The following CHMP2B variants were observed in gnomAD, a reference collection of about 807,000 sequenced individuals.
CHMP2B encodes the protein charged multivesicular body protein 2B.
A neutral mutation model predicts 29.8 loss-of-function variants in CHMP2B; 22 were observed. The observed-to-expected ratio is 0.74, with a 90% CI of 0.53 to 1.05. CHMP2B has a LOEUF of 1.05. Ranked by LOEUF, CHMP2B falls within the 50% of genes least tolerant of loss-of-function variation. The pLI, the probability that CHMP2B is intolerant of heterozygous loss-of-function variation, is 0.00. For synonymous variants in CHMP2B, 78 were observed against 75.8 expected (o/e 1.03, Z -0.15); for missense variants, 261 against 252.2 (o/e 1.03, Z -0.24).
intron 1 of CHMP2B, among the ~76,000 whole-genome samples, chr3:87,231,382 T>A (rs958045867): frequency 2.6e-5 from 4 of 152,142 alleles, no homozygotes; most frequent in Non-Finnish European, 5.9e-5. Flanking sequence ...CATAGGATCT[T>A]CCTCTCTGTG....
Position 87,237,885 on chromosome 3 carries a change from C to T in CHMP2B, c.35-2814C>T, listed in dbSNP as rs78702576. ...AAGTAGGTGGCAGGAGAGAAAGCCC[C>T]GTCCTTCTTTATCTCTGTTAGAGAT... On this transcript the variant is annotated intron_variant, in intron 1 of 5. Coordinates refer to ENST00000263780, the MANE Select transcript of CHMP2B (RefSeq NM_014043.4). Among the ~76,000 whole-genome samples the T allele has an allele frequency of 2.4e-3, 369 of 152,228 alleles. 1 individual carries two copies. Among genetic ancestry groups the T allele is most frequent in the African/African-American group, 8.7e-3 (360 of 41,536 alleles).
intron 4 of CHMP2B, among the ~76,000 whole-genome samples, chr3:87,251,097 T>G (rs569016598): frequency 1.3e-5 from 2 of 152,090 alleles, no homozygotes; most frequent in African/African-American, 4.8e-5. Context: ...TAACAGCATT[T>G]AATAACATTT....
chr3:87,237,066 G>A (rs1047278350), intron 1 of CHMP2B, among the ~76,000 whole-genome samples: 2 of 152,144 alleles, frequency 1.3e-5, no homozygotes, highest in East Asian at 1.9e-4. Context: ...ACAAAATAGG[G>A]AAGTAAGTCC....
intron 1 of CHMP2B, among the ~76,000 whole-genome samples, chr3:87,236,177 G>A (rs1706004443): frequency 6.6e-6 from 1 of 152,006 alleles, no homozygotes; most frequent in Non-Finnish European, 1.5e-5. Context: ...ACATATGGGG[G>A]TGGAGTTAAA....
intron 3 of CHMP2B, 65 bp from the exon 4 acceptor site, chr3:87,249,810 A>G (rs1239552609): frequency 2.1e-6 from 2 of 961,896 alleles, no homozygotes; most frequent in East Asian, 2.5e-5. Flanking sequence ...TTCCCTTTTG[A>G]CTTATTTCAT....
At chr3:87,242,108 C>G (rs1706127987) in intron 2 of CHMP2B, among the ~76,000 whole-genome samples, 1 of 151,966 alleles carries the variant, frequency 6.6e-6, no homozygotes, top group Non-Finnish European at 1.5e-5. Context: ...GCCAGAGTGT[C>G]TATTCAAATA....
At chr3:87,250,004 T>G in intron 4 of CHMP2B, 27 bp downstream of exon 4, 2 of 1,351,730 alleles carry the variant, frequency 1.5e-6, no homozygotes, top group Non-Finnish European at 2.1e-6. Flanking sequence ...ATAATGAAAT[T>G]TATAGTTTTC....
At position 87,255,492 on chromosome 3, in the gene CHMP2B, T is replaced by C. The variant is rs1210304564; in HGVS notation, c.*1670T>C. ...CAATAAAGATTTATTATTGTTGTTC[T>C]TTTCTTACCTTTTTTGCTCTTTTTG... On this transcript the variant is annotated 3_prime_UTR_variant, in exon 6 of 6. Transcript: ENST00000263780. 4.6e-5 allele frequency: 7 copies of C among 152,478 alleles called. No homozygotes were observed. The Admixed American group carries it at 4.6e-4, about 10-fold the overall frequency. The allele number at this position is 152,478 out of a possible 1,614,324, so 9.4% of individuals were successfully genotyped here.
At chr3:87,228,891 G>A (rs1043898785) in intron 1 of CHMP2B, among the ~76,000 whole-genome samples, 1 of 151,528 alleles carries the variant, frequency 6.6e-6, no homozygotes, top group Non-Finnish European at 1.5e-5. Context: ...TGTTTTAGCT[G>A]CCACTGTTGT....
chr3:87,232,424 T>C (rs1393827434), intron 1 of CHMP2B, among the ~76,000 whole-genome samples: 1 of 152,194 alleles, frequency 6.6e-6, no homozygotes, highest in African/African-American at 2.4e-5. Context: ...CCCAGGATGC[T>C]ATGTGTTCCT....
chr3:87,235,644 T>G (rs140862914), intron 1 of CHMP2B, among the ~76,000 whole-genome samples: 23 of 152,356 alleles, frequency 1.5e-4, no homozygotes, highest in Non-Finnish European at 2.6e-4. Context: ...ATTACATGTT[T>G]TGTTGAATTC....
chr3:87,238,187 A>G (rs1303440529), intron 1 of CHMP2B, among the ~76,000 whole-genome samples: 1 of 152,242 alleles, frequency 6.6e-6, no homozygotes, highest in Non-Finnish European at 1.5e-5. Flanking sequence ...ATCCTAAAAA[A>G]GATAAAGATT....
At position 87,253,759 on chromosome 3, in the gene CHMP2B, T is replaced by A; in HGVS notation, c.579T>A (p.Thr193=). Residue 193 remains threonine, a synonymous_variant, in exon 6 of 6, where the codon ACT becomes ACA. Coordinates refer to ENST00000263780, the MANE Select transcript of CHMP2B (RefSeq NM_014043.4). ...CTCGAAGCTTACCATCTGCCTCTAC[T>A]TCAAAGGCTACAATCTCAGATGAAG... ...SAARSLPSAS[T]SKATISDEEI... The A allele has an allele frequency of 6.2e-7, 1 of 1,612,624 alleles. No individual in the cohort carries two copies. The highest frequency in any genetic ancestry group is 8.5e-7 in the Non-Finnish European group (1 of 1,178,892).
chr3:87,233,524 T>C (rs1705943460), intron 1 of CHMP2B, among the ~76,000 whole-genome samples: 1 of 152,134 alleles, frequency 6.6e-6, no homozygotes, highest in Admixed American at 6.5e-5. Context: ...TTACTGTTCA[T>C]TGGCAAGCTC....
At chr3:87,229,368 AT>A (rs1705866225) in intron 1 of CHMP2B, among the ~76,000 whole-genome samples, 1 of 152,198 alleles carries the variant, frequency 6.6e-6, no homozygotes, top group African/African-American at 2.4e-5. Context: ...ATGCCACTAA[AT>A]TAACCATATG....
intron 1 of CHMP2B, among the ~76,000 whole-genome samples, chr3:87,236,214 G>C (rs1291114815): frequency 6.6e-6 from 1 of 151,966 alleles, no homozygotes; most frequent in African/African-American, 2.4e-5. Context: ...TCAAGTGTTT[G>C]GTCTTTCTGG....
At chr3:87,227,690 G>C (rs1312770976) in intron 1 of CHMP2B, 134 bp downstream of exon 1, 1 of 1,120,674 alleles carries the variant, frequency 8.9e-7, no homozygotes, top group Non-Finnish European at 1.4e-6. Context: ...GACCGCCCTC[G>C]CGGCACCACT....
intron 1 of CHMP2B, among the ~76,000 whole-genome samples, chr3:87,229,403 G>T (rs1461048961): frequency 6.6e-6 from 1 of 152,068 alleles, no homozygotes; most frequent in African/African-American, 2.4e-5. Flanking sequence ...TGTAAATTTG[G>T]CCAGCAGGTA....
chr3:87,244,488 A>G (rs1706178335), intron 2 of CHMP2B, among the ~76,000 whole-genome samples: 3 of 151,916 alleles, frequency 2.0e-5, no homozygotes, highest in African/African-American at 7.2e-5. Context: ...AACTCTTCTA[A>G]GAGCAGTTTT....
Sources: gnomAD v4.1 joint callset for allele counts (sites outside exome capture counted in the v4.1 genomes callset) on GRCh38, gnomAD v4.1.1 for gene constraint, MANE v1.5 for transcripts, NCBI Gene and HGNC (gene_info 2026-07-23, HGNC 2026-07-21) for gene names.